COL21A1: variants seen among roughly 807,000 people sequenced by gnomAD.
COL21A1 encodes the protein collagen type XXI alpha 1 chain.
In COL21A1, 149 loss-of-function variants were observed where a neutral mutation model predicts 137.9. The observed-to-expected ratio is 1.08, with a 90% CI of 0.95 to 1.24. The LOEUF is 1.24. Among genes scored for constraint, COL21A1 ranks in the 50% most tolerant of loss-of-function variants. The pLI, the probability that COL21A1 is intolerant of heterozygous loss-of-function variation, is 0.00. For missense variants in COL21A1, 1,167 were observed against 1,158.4 expected (o/e 1.01, Z -0.11); for synonymous variants, 456 against 391.5 (o/e 1.16, Z -1.95).
chr6:56,349,524 T>C (rs933267634), intron 1 of COL21A1, among the ~76,000 whole-genome samples: 1 of 152,172 alleles, frequency 6.6e-6, no homozygotes. Flanking sequence ...AAAGTGGCAA[T>C]AGGTATATCT....
At chr6:56,107,440 C>T (rs558239563) in intron 16 of COL21A1, among the ~76,000 whole-genome samples, 10 of 151,826 alleles carry the variant, frequency 6.6e-5, no homozygotes, top group Non-Finnish European at 2.9e-5. Context: ...AAAAAAAAAT[C>T]CCTGAATCTT....
At chr6:56,070,855 C>T in intron 20 of COL21A1, 57 bp from the exon 21 acceptor site, 1 of 1,240,358 alleles carries the variant, frequency 8.1e-7, no homozygotes, top group Non-Finnish European at 1.1e-6. Flanking sequence ...CATAATATAT[C>T]TGATATAGAC....
At chr6:56,231,811 A>G (rs1781581475) in intron 1 of COL21A1, among the ~76,000 whole-genome samples, 1 of 148,864 alleles carries the variant, frequency 6.7e-6, no homozygotes, top group South Asian at 2.1e-4. Flanking sequence ...CCAAAGACAT[A>G]TACGGTAACA....
At chr6:56,118,682 A>C (rs1033353571) in intron 16 of COL21A1, among the ~76,000 whole-genome samples, 5 of 152,146 alleles carry the variant, frequency 3.3e-5, no homozygotes, top group Non-Finnish European at 4.4e-5. Flanking sequence ...TCTTCAACAA[A>C]ATACTAACAA....
intron 9 of COL21A1, among the ~76,000 whole-genome samples, chr6:56,158,607 GA>G (rs887386284): frequency 6.6e-6 from 1 of 151,842 alleles, no homozygotes; most frequent in African/African-American, 2.4e-5. Context: ...CATTCACATA[GA>G]AATCAGTCAC....
chr6:56,118,350 T>C (rs1201987990), intron 16 of COL21A1, among the ~76,000 whole-genome samples: 1 of 151,978 alleles, frequency 6.6e-6, no homozygotes, highest in Non-Finnish European at 1.5e-5. Flanking sequence ...GACAAACTCC[T>C]AGATACATAC....
At chr6:56,199,698 G>T (rs1325006187) in intron 1 of COL21A1, among the ~76,000 whole-genome samples, 1 of 152,116 alleles carries the variant, frequency 6.6e-6, no homozygotes, top group Non-Finnish European at 1.5e-5. Context: ...AGGCCTGATT[G>T]GGTCATATGG....
intron 1 of COL21A1, among the ~76,000 whole-genome samples, chr6:56,317,280 A>G (rs1489154446): frequency 1.3e-5 from 2 of 152,208 alleles, no homozygotes; most frequent in East Asian, 1.9e-4. Flanking sequence ...TAGAATCTCA[A>G]AAATGATATA....
At chr6:56,090,854 T>C (rs1768742761) in intron 17 of COL21A1, among the ~76,000 whole-genome samples, 1 of 151,752 alleles carries the variant, frequency 6.6e-6, no homozygotes, top group Non-Finnish European at 1.5e-5. Context: ...AGCAGATATA[T>C]GAGTTTCAAG....
rs1291846614 is a variant in COL21A1 at position 56,324,453 on chromosome 6, G to C, written c.-39+69518C>G. ...CAGTGAGCAGCCTGTGTGTTGCCTT[G>C]AATCGTCAGCAGGAATGACAGTCAT... On this transcript the variant is annotated intron_variant, in intron 1 of 28. Coordinates refer to the COL21A1 transcript ENST00000370819. Among the ~76,000 whole-genome samples the C allele has an allele frequency of 3.9e-4, 60 of 152,048 alleles. 1 individual carries two copies. The highest frequency in any genetic ancestry group is 3.9e-3 in the Admixed American group (60 of 15,224).
intron 17 of COL21A1, among the ~76,000 whole-genome samples, chr6:56,079,858 T>G (rs572982434): frequency 6.6e-6 from 1 of 151,514 alleles, no homozygotes; most frequent in Non-Finnish European, 1.5e-5. Context: ...AAATACCAAG[T>G]AAAAATATAT....
intron 1 of COL21A1, among the ~76,000 whole-genome samples, chr6:56,350,473 T>C (rs900345844): frequency 6.6e-6 from 1 of 152,200 alleles, no homozygotes; most frequent in South Asian, 2.1e-4. Context: ...CTCAAAAGCG[T>C]ATTAAATATT....
Position 56,064,813 on chromosome 6 carries a change from CTTATAG to C in COL21A1, c.2128-197_2128-192del, listed in dbSNP as rs992390308. ...AAAGAAGAAGAAAAGTCATCCTAAT[CTTATAG>C]TTAAAGTGGACAGAGATAAGGAACA... On this transcript the variant is annotated intron_variant, in intron 23 of 29. Transcript: ENST00000244728. Among the ~76,000 whole-genome samples, 20 of 151,964 alleles carry C rather than the reference CTTATAG, an allele frequency of 1.3e-4. 1 individual carries two copies. The highest frequency in any genetic ancestry group is 3.9e-4 in the African/African-American group (16 of 41,410).
At chr6:56,238,812 A>C (rs1210881003) in intron 1 of COL21A1, among the ~76,000 whole-genome samples, 1 of 152,154 alleles carries the variant, frequency 6.6e-6, no homozygotes, top group Admixed American at 6.5e-5. Flanking sequence ...TTTCCAAAAC[A>C]TAGGGATTCA....
chr6:56,158,360 C>A (rs1421833153), intron 9 of COL21A1, among the ~76,000 whole-genome samples: 1 of 134,008 alleles, frequency 7.5e-6, no homozygotes, highest in Non-Finnish European at 1.6e-5. Flanking sequence ...GTAGCTTCAA[C>A]CTCCCAGGCT....
At chr6:56,313,989 G>GTA (rs1764671463) in intron 1 of COL21A1, among the ~76,000 whole-genome samples, 1 of 152,056 alleles carries the variant, frequency 6.6e-6, no homozygotes, top group Non-Finnish European at 1.5e-5. Flanking sequence ...AATAAAGAAG[G>GTA]TATATATATA....
intron 16 of COL21A1, among the ~76,000 whole-genome samples, chr6:56,123,792 T>C (rs1298160503): frequency 6.6e-6 from 1 of 152,232 alleles, no homozygotes; most frequent in Non-Finnish European, 1.5e-5. Context: ...CCTCTGTTTC[T>C]AACCTGCCAA....
intron 1 of COL21A1, among the ~76,000 whole-genome samples, chr6:56,309,665 A>T (rs1764562366): frequency 6.6e-6 from 1 of 152,178 alleles, no homozygotes; most frequent in Non-Finnish European, 1.5e-5. Context: ...TAGTGGAAAG[A>T]TGTCTACTGA....
rs143583185 is a variant in COL21A1 at position 56,077,121 on chromosome 6, A to G, written c.1857+408T>C. Among the ~76,000 whole-genome samples, 224 of 151,520 alleles carry G rather than the reference A, an allele frequency of 1.5e-3. 1 individual carries two copies. Among genetic ancestry groups the G allele is most frequent in the African/African-American group, 5.2e-3 (216 of 41,482 alleles). The stretch of plus-strand genomic sequence containing the variant: ...AATAATTGTCAACCTTGAGTTGTAT[A>G]GTCTACAAAACTGTCCTTCAAAACA... On this transcript the variant is annotated intron_variant, in intron 18 of 29. Transcript: ENST00000244728.
Sources: gnomAD v4.1 joint callset for allele counts (sites outside exome capture counted in the v4.1 genomes callset) on GRCh38, gnomAD v4.1.1 for gene constraint, MANE v1.5 for transcripts, NCBI Gene and HGNC (gene_info 2026-07-23, HGNC 2026-07-21) for gene names.